The following DPP10 variants were observed in gnomAD, a reference collection of about 807,000 sequenced individuals.
The protein encoded by DPP10 is dipeptidyl peptidase like 10.
A neutral mutation model predicts 120.9 loss-of-function variants in DPP10; 33 were observed. The observed-to-expected ratio is 0.27, with a 90% CI of 0.21 to 0.37. The LOEUF is 0.37. Ranked by LOEUF, DPP10 falls within the 10% of genes least tolerant of loss-of-function variation. The pLI is 1.00. For synonymous variants in DPP10, 337 were observed against 326.1 expected (o/e 1.03, Z -0.36); for missense variants, 816 against 942.8 (o/e 0.87, Z 1.76).
intron 1 of DPP10, among the ~76,000 whole-genome samples, chr2:115,086,850 C>T (rs533979288): frequency 7.7e-6 from 1 of 130,574 alleles, no homozygotes; most frequent in African/African-American, 2.7e-5. Flanking sequence ...GGGCACATGT[C>T]AGGACCTCCT....
At chr2:114,767,215 A>AAAAAAAAAAAAAAAAATTTAAAAAG in intron 1 of DPP10, among the ~76,000 whole-genome samples, 1 of 147,004 alleles carries the variant, frequency 6.8e-6, no homozygotes, top group Non-Finnish European at 1.5e-5. Context: ...AGCAAAAAAA[A>AAAAAAAAAAAAAAAAATTTAAAAAG]AAAAAAAAAA....
chr2:115,442,580 T>C (rs2072180515), intron 3 of DPP10, among the ~76,000 whole-genome samples: 1 of 152,176 alleles, frequency 6.6e-6, no homozygotes, highest in Non-Finnish European at 1.5e-5. Context: ...TGTTTGCCTG[T>C]GAGCATATTA....
chr2:114,875,624 A>C (rs1054800328), intron 1 of DPP10, among the ~76,000 whole-genome samples: 1 of 152,176 alleles, frequency 6.6e-6, no homozygotes, highest in African/African-American at 2.4e-5. Flanking sequence ...CCAAATATTC[A>C]GAGAAAAATT....
At chr2:114,894,446 G>A (rs1263486490) in intron 1 of DPP10, among the ~76,000 whole-genome samples, 4 of 152,090 alleles carry the variant, frequency 2.6e-5, no homozygotes, top group Admixed American at 6.6e-5. Context: ...TGCCTATTCC[G>A]TTCATTCAAT....
intron 1 of DPP10, among the ~76,000 whole-genome samples, chr2:114,927,674 G>T (rs938080713): frequency 9.9e-5 from 15 of 152,180 alleles, no homozygotes; most frequent in Non-Finnish European, 1.5e-5. Context: ...AAGGGCCCAA[G>T]ACATTTTCCT....
chr2:115,222,162 G>A (rs1156315489), intron 1 of DPP10, among the ~76,000 whole-genome samples: 1 of 152,078 alleles, frequency 6.6e-6, no homozygotes, highest in Non-Finnish European at 1.5e-5. Flanking sequence ...AATATCTTTA[G>A]AGTAAATGAG....
chr2:115,718,452 C>T (rs566190726), intron 7 of DPP10, among the ~76,000 whole-genome samples: 19 of 152,246 alleles, frequency 1.2e-4, no homozygotes, highest in Non-Finnish European at 2.2e-4. Flanking sequence ...TTTCAGATAA[C>T]GTAGCTGTCA....
intron 1 of DPP10, among the ~76,000 whole-genome samples, chr2:114,480,638 A>G (rs1172155003): frequency 6.8e-6 from 1 of 146,654 alleles, no homozygotes; most frequent in Non-Finnish European, 1.5e-5. Context: ...GTTCTCACTC[A>G]TAGGTGGGAA....
intron 1 of DPP10, among the ~76,000 whole-genome samples, chr2:115,166,588 T>G (rs1231853850): frequency 6.8e-6 from 1 of 147,716 alleles, no homozygotes; most frequent in Non-Finnish European, 1.5e-5. Context: ...ATATTATATA[T>G]AAGGCATTTT....
intron 1 of DPP10, among the ~76,000 whole-genome samples, chr2:114,962,473 A>G (rs1698715608): frequency 1.3e-5 from 2 of 152,172 alleles, no homozygotes; most frequent in African/African-American, 4.8e-5. Flanking sequence ...CCTAGGAGGA[A>G]AAAGTGTGCT....
intron 1 of DPP10, among the ~76,000 whole-genome samples, chr2:114,949,729 C>G (rs1047870110): frequency 6.6e-6 from 1 of 152,164 alleles, no homozygotes; most frequent in Admixed American, 6.6e-5. Flanking sequence ...TGGTCTCTCT[C>G]AGTGCTGATG....
chr2:115,434,108 A>T (rs1416840800), intron 3 of DPP10, among the ~76,000 whole-genome samples: 1 of 152,014 alleles, frequency 6.6e-6, no homozygotes, highest in Non-Finnish European at 1.5e-5. Context: ...CTATACATAT[A>T]TGAGTAATGG....
At chr2:115,124,251 C>T (rs1489424866) in intron 1 of DPP10, among the ~76,000 whole-genome samples, 3 of 152,090 alleles carry the variant, frequency 2.0e-5, no homozygotes, top group Non-Finnish European at 2.9e-5. Flanking sequence ...CTGACTATGC[C>T]CTTTTCAAGC....
At chr2:114,642,061 C>T (rs1695747805) in intron 1 of DPP10, among the ~76,000 whole-genome samples, 1 of 151,942 alleles carries the variant, frequency 6.6e-6, no homozygotes, top group African/African-American at 2.4e-5. Flanking sequence ...CTGCTGATAA[C>T]CTCAGACACA....
intron 1 of DPP10, among the ~76,000 whole-genome samples, chr2:114,860,748 A>T (rs1689745411): frequency 2.0e-5 from 3 of 152,164 alleles, no homozygotes. Flanking sequence ...GCTTCAGCTC[A>T]CATCTTTATT....
intron 5 of DPP10, among the ~76,000 whole-genome samples, chr2:115,604,454 A>G (rs1372286164): frequency 6.6e-6 from 1 of 152,160 alleles, no homozygotes; most frequent in Admixed American, 6.6e-5. Context: ...AATGCTCTCA[A>G]CCTGGACTAT....
chr2:114,932,220 G>A (rs558580421), intron 1 of DPP10, among the ~76,000 whole-genome samples: 82 of 152,328 alleles, frequency 5.4e-4, no homozygotes, highest in South Asian at 4.1e-3. Flanking sequence ...GACTCTGATA[G>A]ACTAAAGTTT....
chr2:115,666,914 AG>A (rs1206437456), intron 5 of DPP10, among the ~76,000 whole-genome samples: 1 of 152,166 alleles, frequency 6.6e-6, no homozygotes, highest in Non-Finnish European at 1.5e-5. Flanking sequence ...ACTCACCAGC[AG>A]CAGTTATTTT....
chr2:115,060,680 T>C (rs979580440), intron 1 of DPP10, among the ~76,000 whole-genome samples: 4 of 152,242 alleles, frequency 2.6e-5, no homozygotes, highest in Admixed American at 6.5e-5. Context: ...TAATAGCGTT[T>C]GCTTTGGGAG....
Sources: gnomAD v4.1 joint callset for allele counts (sites outside exome capture counted in the v4.1 genomes callset) on GRCh38, gnomAD v4.1.1 for gene constraint, MANE v1.5 for transcripts, NCBI Gene and HGNC (gene_info 2026-07-23, HGNC 2026-07-21) for gene names.